Variants in PIP4K2C observed in about 807,000 individuals in gnomAD.
PIP4K2C encodes phosphatidylinositol 5-phosphate 4-kinase type-2 gamma.
Under a neutral mutation model 45.0 loss-of-function variants are expected in PIP4K2C, and 21 were observed. That is an observed-to-expected ratio of 0.47 (90% CI 0.33 to 0.67). The LOEUF (loss-of-function observed/expected upper bound fraction) is 0.67. Among genes scored for constraint, PIP4K2C ranks in the 30% least tolerant of loss-of-function variants. The pLI is 0.02. For synonymous variants in PIP4K2C, 201 were observed against 204.8 expected (o/e 0.98, Z 0.16); for missense variants, 456 against 542.8 (o/e 0.84, Z 1.59).
At chr12:57,596,077 A>G in intron 4 of PIP4K2C, 46 bp downstream of exon 4, 5 of 1,579,194 alleles carry the variant, frequency 3.2e-6, no homozygotes, top group Non-Finnish European at 4.4e-6. Flanking sequence ...CTCCCTACTC[A>G]CATATAGCTC....
chr12:57,591,664 C>G (rs1435472234), intron 1 of PIP4K2C, among the ~76,000 whole-genome samples: 1 of 152,252 alleles, frequency 6.6e-6, no homozygotes, highest in Non-Finnish European at 1.5e-5. Flanking sequence ...CAGTTCTTTA[C>G]TGCTCCACTC....
At position 57,601,708 on chromosome 12, in the gene PIP4K2C, A is replaced by G; in HGVS notation, c.*102A>G. ...CCACCAGTTCTCTTCTTCCTTTGCT[A>G]AATTCAGGCTGCAGGCTCCTTCCAT... On this transcript the variant is annotated 3_prime_UTR_variant, in exon 10 of 10. Transcript: ENST00000354947. The G allele has an allele frequency of 4.8e-6, 5 of 1,048,204 alleles. No individual in the cohort carries two copies. Among genetic ancestry groups the G allele is most frequent in the South Asian group, 1.3e-5 (1 of 78,214 alleles). The allele number at this position is 1,048,204 out of a possible 1,614,324, so 64.9% of individuals were successfully genotyped here.
intron 4 of PIP4K2C, 25 bp from the exon 5 acceptor site, chr12:57,599,040 A>G: frequency 6.2e-7 from 1 of 1,610,712 alleles, no homozygotes; most frequent in Non-Finnish European, 8.5e-7. Context: ...GCCTCTCCCC[A>G]TTCCTTCCCC....
Position 57,596,793 on chromosome 12 carries a change from A to G in PIP4K2C, c.513+762A>G, listed in dbSNP as rs1198621326. On this transcript the variant is annotated intron_variant, in intron 4 of 9. Transcript: ENST00000354947. ...AGTATTAGCACACCGCAAGATATAT[A>G]CAATAGTAGAAGTCTGTACAGAATA... Among the ~76,000 whole-genome samples the G allele has an allele frequency of 2.0e-5, 3 of 152,202 alleles. No individual in the cohort carries two copies. In the East Asian group the frequency reaches 5.8e-4, roughly 29 times the overall value.
chr12:57,600,210 G>A (rs923251129), intron 6 of PIP4K2C, 114 bp from the exon 7 acceptor site: 4 of 606,018 alleles, frequency 6.6e-6, no homozygotes, highest in Non-Finnish European at 8.8e-6. Flanking sequence ...AAGCATCACA[G>A]TGTGGAGTTA....
intron 4 of PIP4K2C, among the ~76,000 whole-genome samples, chr12:57,598,733 C>T (rs1279290243): frequency 6.6e-6 from 1 of 152,020 alleles, no homozygotes; most frequent in Non-Finnish European, 1.5e-5. Flanking sequence ...AAGTTGTAAT[C>T]CTGGTTCTGT....
rs948840857 is a variant in PIP4K2C, at chr12:57,595,189, T to C, written c.336T>C (p.Arg112=). 1.9e-6 allele frequency: 3 copies of C among 1,611,856 alleles called. No homozygotes were observed. In the African/African-American group the frequency reaches 4.0e-5, roughly 22 times the overall value. Residue 112 remains arginine (R), a synonymous_variant, in exon 3 of 10, where the codon CGT becomes CGC. Coordinates refer to ENST00000354947, the MANE Select transcript of PIP4K2C (RefSeq NM_024779.5). ...GTCCCCAGGTCTTCAGGAACCTCCGTGATCGATTTGGCATTGATGACCAAG... is the reference window on the plus strand; with the variant it reads ...GTCCCCAGGTCTTCAGGAACCTCCGCGATCGATTTGGCATTGATGACCAAG... ...EYCPQVFRNL[R]DRFGIDDQDY... is the part of the protein sequence containing the mutation.
intron 7 of PIP4K2C, 93 bp from the exon 8 acceptor site, chr12:57,600,718 G>A: frequency 6.6e-7 from 1 of 1,509,158 alleles, no homozygotes; most frequent in Non-Finnish European, 9.0e-7. Context: ...CCTTTCCCCA[G>A]AAGGGCCCCA....
chr12:57,592,052 T>C (rs1005626758), intron 1 of PIP4K2C, among the ~76,000 whole-genome samples: 6 of 152,120 alleles, frequency 3.9e-5, no homozygotes, highest in Non-Finnish European at 8.8e-5. Context: ...GAGCTAGAAG[T>C]TGCACACTCT....
chr12:57,600,606 G>A (rs1018162892), intron 7 of PIP4K2C, among the ~76,000 whole-genome samples, 169 bp downstream of exon 7: 5 of 152,170 alleles, frequency 3.3e-5, no homozygotes, highest in African/African-American at 1.2e-4. Context: ...GAGCTGACCC[G>A]TGGAAGGGGT....
At chr12:57,591,574 C>G in intron 1 of PIP4K2C, 111 bp downstream of exon 1, 1 of 1,309,490 alleles carries the variant, frequency 7.6e-7, no homozygotes, top group South Asian at 1.6e-5. Context: ...CTCCCCTCCC[C>G]CGGGTTGTCT....
chr12:57,594,516 A>G (rs929100733), intron 2 of PIP4K2C, among the ~76,000 whole-genome samples: 1 of 152,168 alleles, frequency 6.6e-6, no homozygotes, highest in African/African-American at 2.4e-5. Context: ...TGACTTTAGA[A>G]TGCTTCTGAC....
At position 57,599,180 on chromosome 12, in the gene PIP4K2C, G is replaced by A. The variant is rs762301182; in HGVS notation, c.629G>A (p.Arg210His). The A allele has an allele frequency of 3.0e-5, 48 of 1,614,176 alleles. No individual in the cohort carries two copies. The highest frequency in any genetic ancestry group is 3.3e-4 in the Middle Eastern group (2 of 6,062). The stretch of plus-strand genomic sequence containing the variant: ...GTGATGCGCAATATGTTTAGCCACC[G>A]TCTTCCTGTGCACAGGAAGTATGAC... ...MLVMRNMFSH[R>H]LPVHRKYDLK... The change falls in exon 5 of 10, where the codon CGT becomes CAT. Residue 210 changes from arginine to histidine, a missense_variant. Arg to His is a conservative substitution (Grantham distance 29). Coordinates refer to ENST00000354947, the MANE Select transcript of PIP4K2C (RefSeq NM_024779.5).
intron 7 of PIP4K2C, 121 bp downstream of exon 7, chr12:57,600,558 C>G: frequency 1.2e-6 from 1 of 814,364 alleles, no homozygotes; most frequent in Non-Finnish European, 2.0e-6. Flanking sequence ...GGTCCTCTGC[C>G]TATATGGGGG....
rs770693264 is a variant in PIP4K2C, at chr12:57,591,272, T to G, written c.-18T>G. ...GCTGCCGGCTCCGGCTTCCACTTGG[T>G]CGGTTGCGCGGGAGACTATGGCGTC... is the stretch of plus-strand genomic sequence containing the variant. On this transcript the variant is annotated 5_prime_UTR_variant, in exon 1 of 10. Coordinates refer to ENST00000354947, the MANE Select transcript of PIP4K2C (RefSeq NM_024779.5). 7.5e-6 allele frequency: 12 copies of G among 1,590,960 alleles called. No homozygotes were observed. Among genetic ancestry groups the G allele is most frequent in the South Asian group, 4.5e-5 (4 of 89,822 alleles).
At chr12:57,596,168 G>T in intron 4 of PIP4K2C, 137 bp downstream of exon 4, 1 of 1,103,918 alleles carries the variant, frequency 9.1e-7, no homozygotes, top group Non-Finnish European at 1.3e-6. Flanking sequence ...GCCCTAAATG[G>T]GATGAGGGAA....
At chr12:57,601,449 C>G (rs1883434428) in intron 9 of PIP4K2C, 77 bp from the exon 10 acceptor site, 1 of 1,527,884 alleles carries the variant, frequency 6.5e-7, no homozygotes, top group African/African-American at 1.4e-5. Context: ...TGGAGGTGGT[C>G]TGGGGTAGAT....
chr12:57,601,115 A>AT, intron 8 of PIP4K2C, 37 bp downstream of exon 8: 1 of 1,606,720 alleles, frequency 6.2e-7, no homozygotes, highest in Non-Finnish European at 8.5e-7. Flanking sequence ...TGGAGAGGGG[A>AT]TTTTTCCTGG....
At chr12:57,598,570 C>T (rs1429284595) in intron 4 of PIP4K2C, among the ~76,000 whole-genome samples, 2 of 136,154 alleles carry the variant, frequency 1.5e-5, no homozygotes, top group African/African-American at 5.5e-5. Context: ...ATCATGCAGA[C>T]TTTTTTTTTT....
Sources: allele counts gnomAD v4.1 joint callset (sites outside exome capture counted in the v4.1 genomes callset), GRCh38; gene constraint gnomAD v4.1.1; transcripts MANE v1.5; gene names NCBI Gene and HGNC (gene_info 2026-07-23, HGNC 2026-07-21).